Variants in HPSE2 observed in about 807,000 individuals in gnomAD.
HPSE2 encodes the protein heparanase 2 (inactive).
Under a neutral mutation model 60.5 loss-of-function variants are expected in HPSE2, and 38 were observed. The observed-to-expected ratio is 0.63, with a 90% CI of 0.48 to 0.82. HPSE2 has a LOEUF of 0.82. Ranked by LOEUF, HPSE2 falls within the 40% of genes least tolerant of loss-of-function variation. The pLI, the probability that HPSE2 is intolerant of heterozygous loss-of-function variation, is 0.00. For missense variants in HPSE2, 713 were observed against 740.4 expected (o/e 0.96, Z 0.43); for synonymous variants, 295 against 293.2 (o/e 1.01, Z -0.06).
At chr10:99,073,414 G>A (rs911978448) in intron 3 of HPSE2, among the ~76,000 whole-genome samples, 6 of 151,934 alleles carry the variant, frequency 3.9e-5, no homozygotes, top group African/African-American at 1.5e-4. Context: ...TTACAGGTGG[G>A]AGTTGAACAA....
Position 99,047,856 on chromosome 10 carries a change from G to C in HPSE2, c.610+96382C>G. The C allele has an allele frequency of 3.9e-6, 3 of 777,956 alleles. No individual in the cohort carries two copies. The Admixed American group carries it at 5.1e-5, about 13-fold the overall frequency. 48.2% of individuals were successfully genotyped at this position (777,956 alleles called of 1,614,324 possible). A position where few individuals can be genotyped will look rare whatever the true frequency, so the allele number is the denominator to read the frequency against. On this transcript the variant is annotated intron_variant, in intron 3 of 11. Transcript: ENST00000370552. ...TACAGAACTGAAATTTGAATGGCGA[G>C]GATGGCAAGAAAAGCTGGCAACTTT...
intron 3 of HPSE2, among the ~76,000 whole-genome samples, chr10:98,830,590 T>G (rs568316932): frequency 2.0e-5 from 3 of 152,322 alleles, no homozygotes; most frequent in Non-Finnish European, 2.9e-5. Flanking sequence ...TAAGTCTAAT[T>G]CTATAGAAAA....
intron 3 of HPSE2, among the ~76,000 whole-genome samples, chr10:98,829,142 C>A (rs568223382): frequency 6.6e-6 from 1 of 152,208 alleles, no homozygotes; most frequent in East Asian, 1.9e-4. Context: ...TAGTCAAATT[C>A]ATAGAGTTAG....
At chr10:99,024,289 A>C (rs1321993205) in intron 3 of HPSE2, among the ~76,000 whole-genome samples, 1 of 152,212 alleles carries the variant, frequency 6.6e-6, no homozygotes, top group Non-Finnish European at 1.5e-5. Context: ...AAATACACAG[A>C]GGAGACAAAA....
chr10:98,999,708 A>G (rs1956733538), intron 3 of HPSE2, among the ~76,000 whole-genome samples: 1 of 152,158 alleles, frequency 6.6e-6, no homozygotes, highest in Admixed American at 6.5e-5. Flanking sequence ...CAAACAAAAG[A>G]CCAGTTAAGT....
intron 3 of HPSE2, among the ~76,000 whole-genome samples, chr10:98,977,937 TA>T (rs1956122598): frequency 8.8e-6 from 1 of 113,026 alleles, no homozygotes; most frequent in Non-Finnish European, 2.2e-5. Context: ...AGATCTCATA[TA>T]TTTTATATAC....
intron 3 of HPSE2, among the ~76,000 whole-genome samples, chr10:98,975,333 T>C (rs888832508): frequency 1.3e-5 from 2 of 152,146 alleles, no homozygotes; most frequent in Non-Finnish European, 2.9e-5. Flanking sequence ...TCATAAGACA[T>C]TTACTCTTTC....
intron 3 of HPSE2, among the ~76,000 whole-genome samples, chr10:98,923,258 G>A (rs1256282046): frequency 2.6e-5 from 4 of 152,192 alleles, no homozygotes; most frequent in Non-Finnish European, 5.9e-5. Context: ...TGAAAAGTCT[G>A]CTGCCAGACC....
intron 6 of HPSE2, among the ~76,000 whole-genome samples, chr10:98,659,710 A>G (rs1184913984): frequency 2.0e-5 from 3 of 152,202 alleles, no homozygotes; most frequent in East Asian, 3.9e-4. Flanking sequence ...TAACAGTAAC[A>G]GTAGGAAGGT....
chr10:99,295,581 T>C, the HPSE2 span, among the ~76,000 whole-genome samples: 1 of 152,236 alleles, frequency 6.6e-6, no homozygotes, highest in East Asian at 1.9e-4. Flanking sequence ...TTTGTAATAC[T>C]GTATTTAACT....
chr10:98,962,925 C>A (rs1477933443), intron 3 of HPSE2, among the ~76,000 whole-genome samples: 1 of 152,144 alleles, frequency 6.6e-6, no homozygotes, highest in African/African-American at 2.4e-5. Flanking sequence ...TTCTTATATT[C>A]CCTAAATAGA....
At chr10:99,028,513 T>C (rs1344269714) in intron 3 of HPSE2, among the ~76,000 whole-genome samples, 2 of 152,352 alleles carry the variant, frequency 1.3e-5, no homozygotes, top group South Asian at 4.1e-4. Flanking sequence ...AAATATTCCA[T>C]ATTTATGGAT....
intron 7 of HPSE2, among the ~76,000 whole-genome samples, chr10:98,630,685 T>C (rs954691741): frequency 6.6e-6 from 1 of 152,196 alleles, no homozygotes; most frequent in Non-Finnish European, 1.5e-5. Flanking sequence ...GACCTTATTA[T>C]ACTGAATTGT....
chr10:98,642,187 T>C (rs550801449), intron 6 of HPSE2, among the ~76,000 whole-genome samples: 2 of 152,314 alleles, frequency 1.3e-5, no homozygotes, highest in South Asian at 2.1e-4. Context: ...TGAAACCCCA[T>C]TGCTTACTTG....
chr10:98,719,644 G>A (rs1948872245), intron 5 of HPSE2, among the ~76,000 whole-genome samples: 1 of 146,270 alleles, frequency 6.8e-6, no homozygotes, highest in Non-Finnish European at 1.5e-5. Context: ...TAAACGTCAT[G>A]AGTGCATCTG....
At chr10:99,140,905 CA>C (rs1845843431) in intron 3 of HPSE2, among the ~76,000 whole-genome samples, 1 of 152,112 alleles carries the variant, frequency 6.6e-6, no homozygotes, top group African/African-American at 2.4e-5. Flanking sequence ...GATGTGGTGG[CA>C]TTTGCCTGTG....
At chr10:99,246,081 T>C in the HPSE2 span, among the ~76,000 whole-genome samples, 2 of 152,216 alleles carry the variant, frequency 1.3e-5, no homozygotes, top group Non-Finnish European at 2.9e-5. Flanking sequence ...TTTACAAGGA[T>C]ACAAAAACAT....
intron 3 of HPSE2, chr10:99,047,817 A>T (rs1957891525): frequency 2.5e-6 from 2 of 810,104 alleles, no homozygotes; most frequent in Non-Finnish European, 2.2e-6. Context: ...TATCACAAGG[A>T]ATATAGGCAG....
At chr10:98,617,054 A>T (rs1212329942) in intron 8 of HPSE2, among the ~76,000 whole-genome samples, 1 of 152,210 alleles carries the variant, frequency 6.6e-6, no homozygotes, top group African/African-American at 2.4e-5. Context: ...TTTAAAAGCA[A>T]ATTGTCTTAT....
Sources: allele counts gnomAD v4.1 joint callset (sites outside exome capture counted in the v4.1 genomes callset), GRCh38; gene constraint gnomAD v4.1.1; transcripts MANE v1.5; gene names NCBI Gene and HGNC (gene_info 2026-07-23, HGNC 2026-07-21).